Variants in NOL4 observed in about 807,000 individuals in gnomAD.
NOL4 encodes the protein nucleolar protein 4, also known as cancer/testis antigen 125.
A neutral mutation model predicts 75.9 loss-of-function variants in NOL4; 17 were observed. The ratio of observed to expected loss-of-function variants is 0.22; its 90% CI spans 0.15 to 0.34. NOL4 has a LOEUF of 0.34. NOL4 is among the 10% of genes least tolerant of loss of function. The pLI, the probability that NOL4 is intolerant of heterozygous loss-of-function variation, is 1.00. For synonymous variants in NOL4, 292 were observed against 289.9 expected, an observed-to-expected ratio of 1.01 and a Z score of -0.07; for missense variants, 614 against 793.5, an observed-to-expected ratio of 0.77 and a Z score of 2.72.
At chr18:33,985,664 G>T (rs1420996360) in intron 6 of NOL4, among the ~76,000 whole-genome samples, 1 of 152,044 alleles carries the variant, frequency 6.6e-6, no homozygotes, top group Non-Finnish European at 1.5e-5. Flanking sequence ...CCCACTAACT[G>T]TCACAATAGG....
intron 6 of NOL4, among the ~76,000 whole-genome samples, chr18:33,979,702 T>C (rs538406273): frequency 6.6e-5 from 10 of 152,076 alleles, no homozygotes; most frequent in African/African-American, 2.4e-4. Flanking sequence ...TCCAGAAAAT[T>C]ATGTGAGTAT....
chr18:34,223,025 C>A lies in NOL4; in HGVS notation c.229G>T (p.Ala77Ser). 2.5e-6 allele frequency: 4 copies of A among 1,612,052 alleles called. 1 individual carries two copies. Among genetic ancestry groups the A allele is most frequent in the East Asian group, 2.2e-5 (1 of 44,854 alleles). The change falls in exon 1 of 11, where the codon GCC becomes TCC. Residue 77 changes from alanine (A) to serine (S), a missense_variant. Physicochemically the swap from Ala to Ser is moderately conservative, Grantham distance 99. This residue lies in a region of NOL4 where 49 missense variants were observed against 39.6 expected (regional missense o/e 1.24). Coordinates refer to ENST00000261592, the MANE Select transcript of NOL4 (RefSeq NM_003787.5). ...ACAGGCACGTAGAGCACTTGCTTGG[C>A]GCCGCCGCCTCCCCCGCGGACCTCG... ...PDEVRGGGGG[A>S]KQVLYVPVKT... is the part of the protein sequence containing the mutation.
intron 6 of NOL4, among the ~76,000 whole-genome samples, chr18:33,962,005 C>T (rs765653667): frequency 2.0e-5 from 3 of 152,018 alleles, no homozygotes; most frequent in Admixed American, 6.6e-5. Flanking sequence ...AATGGCCCCT[C>T]GCTCTACCAG....
chr18:34,047,249 A>AATT (rs2076421512), intron 5 of NOL4, among the ~76,000 whole-genome samples: 1 of 152,160 alleles, frequency 6.6e-6, no homozygotes, highest in African/African-American at 2.4e-5. Flanking sequence ...AAATTAAAAC[A>AATT]GCACACTTCA....
intron 6 of NOL4, among the ~76,000 whole-genome samples, chr18:34,009,288 G>A (rs569216410): frequency 1.3e-5 from 2 of 151,966 alleles, no homozygotes; most frequent in South Asian, 4.2e-4. Flanking sequence ...GATAATAAGT[G>A]TAACTAAAAG....
chr18:33,986,566 G>T (rs1164244410), intron 6 of NOL4, among the ~76,000 whole-genome samples: 18 of 152,068 alleles, frequency 1.2e-4, no homozygotes, highest in Admixed American at 1.2e-3. Context: ...CTGAAATTTT[G>T]CATTCAATAT....
At chr18:33,975,830 A>G (rs2071451010) in intron 6 of NOL4, among the ~76,000 whole-genome samples, 1 of 152,232 alleles carries the variant, frequency 6.6e-6, no homozygotes, top group Admixed American at 6.6e-5. Context: ...AAATGCCCTC[A>G]TGTCAAGCAT....
chr18:34,093,817 A>G (rs1161863688), intron 4 of NOL4, among the ~76,000 whole-genome samples: 1 of 152,210 alleles, frequency 6.6e-6, no homozygotes, highest in East Asian at 1.9e-4. Context: ...AGGAGGGCAG[A>G]TCACGAGGTC....
intron 6 of NOL4, among the ~76,000 whole-genome samples, chr18:34,002,277 C>T (rs1384944920): frequency 1.3e-5 from 2 of 152,008 alleles, no homozygotes; most frequent in African/African-American, 2.4e-5. Context: ...CCCCCCCATT[C>T]TCCAAGCTCT....
chr18:34,212,823 C>T (rs1437923806), intron 1 of NOL4, among the ~76,000 whole-genome samples: 2 of 152,198 alleles, frequency 1.3e-5, no homozygotes, highest in Non-Finnish European at 2.9e-5. Context: ...CATTCCATTT[C>T]AGCAAGAGAG....
intron 1 of NOL4, among the ~76,000 whole-genome samples, chr18:34,136,001 G>T (rs978707323): frequency 3.9e-5 from 6 of 151,920 alleles, no homozygotes; most frequent in Non-Finnish European, 8.8e-5. Context: ...AGTCAAGTAG[G>T]ATTATCCCAG....
chr18:33,948,085 A>G (rs1433421959), intron 8 of NOL4, among the ~76,000 whole-genome samples: 1 of 151,908 alleles, frequency 6.6e-6, no homozygotes, highest in Non-Finnish European at 1.5e-5. Flanking sequence ...AAAAAAGTAC[A>G]AAGAAATTTA....
chr18:34,104,010 T>C, intron 4 of NOL4, 37 bp downstream of exon 4: 3 of 1,400,888 alleles, frequency 2.1e-6, no homozygotes, highest in Non-Finnish European at 3.0e-6. Flanking sequence ...TTCGTTCCAA[T>C]TTGTAAGTAA....
intron 8 of NOL4, among the ~76,000 whole-genome samples, chr18:33,944,388 G>A (rs1308164607): frequency 5.9e-5 from 9 of 151,824 alleles, no homozygotes; most frequent in East Asian, 3.9e-4. Flanking sequence ...AGACCACACC[G>A]TTTTAACAGA....
chr18:33,876,904 A>G (rs1271651387), intron 10 of NOL4, among the ~76,000 whole-genome samples: 2 of 151,752 alleles, frequency 1.3e-5, no homozygotes, highest in African/African-American at 4.9e-5. Context: ...AACAAGGGAA[A>G]CATCACTTCC....
At chr18:34,105,293 C>T (rs1316646641) in intron 2 of NOL4, 133 bp from the exon 3 acceptor site, 1 of 589,772 alleles carries the variant, frequency 1.7e-6, no homozygotes, top group Non-Finnish European at 3.0e-6. Context: ...GCATGCATTG[C>T]ATACCATGCA....
At chr18:34,184,098 TACACAC>T (rs1431096598) in intron 1 of NOL4, among the ~76,000 whole-genome samples, 1 of 151,530 alleles carries the variant, frequency 6.6e-6, no homozygotes, top group Non-Finnish European at 1.5e-5. Flanking sequence ...CACATACACT[TACACAC>T]ACACACTCAG....
chr18:34,066,688 A>T (rs2077289081), intron 5 of NOL4, among the ~76,000 whole-genome samples: 1 of 137,084 alleles, frequency 7.3e-6, no homozygotes, highest in African/African-American at 2.6e-5. Context: ...CTTTTCTTCT[A>T]AAAAAAAAAA....
intron 5 of NOL4, among the ~76,000 whole-genome samples, chr18:34,036,390 G>C (rs1424451229): frequency 2.6e-5 from 4 of 152,002 alleles, no homozygotes; most frequent in Non-Finnish European, 5.9e-5. Context: ...TGCCGAAAAA[G>C]CATTTGATAA....
Sources: allele counts gnomAD v4.1 joint callset (sites outside exome capture counted in the v4.1 genomes callset), GRCh38; gene constraint gnomAD v4.1.1; regional missense constraint gnomAD v4.1.1; transcripts MANE v1.5; gene names NCBI Gene and HGNC (gene_info 2026-07-23, HGNC 2026-07-21).